The following CTNNA2 variants were observed in gnomAD, a reference collection of about 807,000 sequenced individuals.
CTNNA2 encodes the protein catenin alpha-2.
A neutral mutation model predicts 101.0 loss-of-function variants in CTNNA2; 42 were observed. The ratio of observed to expected loss-of-function variants is 0.42; its 90% CI spans 0.32 to 0.54. CTNNA2 has a LOEUF of 0.54. Ranked by LOEUF, CTNNA2 falls within the 20% of genes least tolerant of loss-of-function variation. CTNNA2 has a pLI of 0.14. For missense variants in CTNNA2, 871 were observed against 1,223.1 expected, an observed-to-expected ratio of 0.71 and a Z score of 4.29; for synonymous variants, 450 against 456.4, an observed-to-expected ratio of 0.99 and a Z score of 0.18.
At chr2:80,508,962 C>G (rs1688493963) in intron 9 of CTNNA2, among the ~76,000 whole-genome samples, 1 of 152,036 alleles carries the variant, frequency 6.6e-6, no homozygotes. Flanking sequence ...TCATTTTTAT[C>G]TTTGTTATTT....
At position 79,408,425 on chromosome 2, in the gene CTNNA2, G is replaced by A. The variant is rs796674582; in HGVS notation, c.-135+34412G>A. On this transcript the variant is annotated intron_variant, in intron 4 of 21. Transcript: ENST00000466387. ...CCCATTAACTCGTCATTTAGCATTAGGTATATCTCCTAATGCTATCCCTCC... is the reference window on the plus strand; with the variant it reads ...CCCATTAACTCGTCATTTAGCATTAAGTATATCTCCTAATGCTATCCCTCC... 4.0e-5 allele frequency among the ~76,000 whole-genome samples: 6 copies of A among 150,914 alleles called. No homozygotes were observed. The South Asian group carries it at 1.3e-3, about 32-fold the overall frequency.
chr2:79,860,980 T>A (rs921721967), intron 4 of CTNNA2, among the ~76,000 whole-genome samples: 1 of 152,256 alleles, frequency 6.6e-6, no homozygotes, highest in African/African-American at 2.4e-5. Context: ...GAAGAACATG[T>A]CAAATAGCTT....
At chr2:79,413,364 T>A (rs35680439) in intron 4 of CTNNA2, among the ~76,000 whole-genome samples, 44,197 of 148,890 alleles carry the variant, frequency 0.3, 6,591 homozygotes, top group South Asian at 0.47. Context: ...AGCTTCATTC[T>A]TGTTGTTGCA....
intron 4 of CTNNA2, among the ~76,000 whole-genome samples, chr2:79,401,159 C>G (rs1001515169): frequency 6.6e-6 from 1 of 151,562 alleles, no homozygotes; most frequent in East Asian, 1.9e-4. Flanking sequence ...AATGAATACT[C>G]CGGGGATAGA....
At chr2:79,376,089 CTGCA>C (rs1412904211) in intron 4 of CTNNA2, among the ~76,000 whole-genome samples, 3 of 152,100 alleles carry the variant, frequency 2.0e-5, no homozygotes, top group Non-Finnish European at 2.9e-5. Context: ...CAGGAGAAAG[CTGCA>C]TGTAGAAGGA....
intron 7 of CTNNA2, among the ~76,000 whole-genome samples, chr2:80,118,450 G>A (rs1215559256): frequency 6.6e-6 from 1 of 152,138 alleles, no homozygotes; most frequent in Non-Finnish European, 1.5e-5. Flanking sequence ...TTGTATTTAT[G>A]CTTCCTTAAC....
chr2:79,749,014 G>A (rs1039782621), intron 3 of CTNNA2, among the ~76,000 whole-genome samples: 1 of 152,120 alleles, frequency 6.6e-6, no homozygotes, highest in African/African-American at 2.4e-5. Flanking sequence ...AGTGGCAGCA[G>A]GCTGGCAGAA....
chr2:79,363,681 G>T lies in CTNNA2; in HGVS notation c.-317-10150G>T, dbSNP rs73940514. On this transcript the variant is annotated intron_variant, in intron 3 of 21. Coordinates refer to the CTNNA2 transcript ENST00000466387. ...TGGTTAGGGACCATCTCTGAAACAA[G>T]AGTTTTCCTTTGCTGCTCTTAATGC... Among the ~76,000 whole-genome samples the T allele has an allele frequency of 2.5e-3, 380 of 152,264 alleles. 3 individuals are homozygous for T. The highest frequency in any genetic ancestry group is 8.6e-3 in the African/African-American group (358 of 41,558).
At chr2:80,165,910 C>A (rs1704660556) in intron 7 of CTNNA2, among the ~76,000 whole-genome samples, 1 of 152,124 alleles carries the variant, frequency 6.6e-6, no homozygotes, top group African/African-American at 2.4e-5. Context: ...AGTCTCAGCT[C>A]CCCACTTGGC....
At chr2:79,472,499 T>C (rs1315449495) in intron 4 of CTNNA2, among the ~76,000 whole-genome samples, 1 of 151,780 alleles carries the variant, frequency 6.6e-6, no homozygotes, top group African/African-American at 2.4e-5. Flanking sequence ...TGAAGAATAG[T>C]GCCCATTTGC....
At chr2:79,809,498 G>A (rs1259369359) in intron 3 of CTNNA2, among the ~76,000 whole-genome samples, 4 of 152,122 alleles carry the variant, frequency 2.6e-5, no homozygotes, top group South Asian at 2.1e-4. Context: ...GGCATGAGAT[G>A]TTATCTCATG....
chr2:79,821,282 C>G (rs780566375), intron 3 of CTNNA2, among the ~76,000 whole-genome samples: 11 of 152,056 alleles, frequency 7.2e-5, no homozygotes, highest in Non-Finnish European at 1.2e-4. Context: ...GATCATAGCT[C>G]ACTGCAGCCT....
chr2:79,535,624 T>TA (rs1263092403), intron 1 of CTNNA2, among the ~76,000 whole-genome samples: 1 of 152,164 alleles, frequency 6.6e-6, no homozygotes, highest in Non-Finnish European at 1.5e-5. Context: ...TTGTCCTTAC[T>TA]ATCCCATTGG....
chr2:79,352,854 T>A (rs1677422169), intron 3 of CTNNA2, among the ~76,000 whole-genome samples: 1 of 152,208 alleles, frequency 6.6e-6, no homozygotes, highest in South Asian at 2.1e-4. Context: ...TTCTGTGAGC[T>A]ATGCAGGCTT....
chr2:79,407,220 A>G (rs1239471858), intron 4 of CTNNA2, among the ~76,000 whole-genome samples: 1 of 152,070 alleles, frequency 6.6e-6, no homozygotes, highest in East Asian at 1.9e-4. Flanking sequence ...CAACTTTGCA[A>G]AACTGCTTAC....
chr2:80,570,543 GA>G (rs1181651157), intron 12 of CTNNA2, among the ~76,000 whole-genome samples: 2 of 151,890 alleles, frequency 1.3e-5, no homozygotes, highest in South Asian at 2.1e-4. Context: ...TTATGGTAAG[GA>G]AAAAAATAGA....
At chr2:79,230,170 C>A (rs1674470988) in intron 2 of CTNNA2, among the ~76,000 whole-genome samples, 1 of 152,194 alleles carries the variant, frequency 6.6e-6, no homozygotes, top group Admixed American at 6.5e-5. Context: ...ATTCCCAATA[C>A]AATGGGGAAA....
intron 7 of CTNNA2, among the ~76,000 whole-genome samples, chr2:80,009,582 C>T (rs555350620): frequency 6.6e-5 from 10 of 152,046 alleles, no homozygotes; most frequent in African/African-American, 9.7e-5. Flanking sequence ...CACACATATA[C>T]GCTTTTTAAA....
At chr2:79,740,369 T>C (rs1019170207) in intron 2 of CTNNA2, among the ~76,000 whole-genome samples, 1 of 152,214 alleles carries the variant, frequency 6.6e-6, no homozygotes, top group Admixed American at 6.5e-5. Flanking sequence ...TATTATTCTT[T>C]ACCCATAGAA....
Sources: gnomAD v4.1 joint callset for allele counts (sites outside exome capture counted in the v4.1 genomes callset) on GRCh38, gnomAD v4.1.1 for gene constraint, MANE v1.5 for transcripts, NCBI Gene and HGNC (gene_info 2026-07-23, HGNC 2026-07-21) for gene names.